The following PCBP3 variants were observed in gnomAD, a reference collection of about 807,000 sequenced individuals.
PCBP3 encodes poly(rC) binding protein 3.
Under a neutral mutation model 52.7 loss-of-function variants are expected in PCBP3, and 25 were observed. The ratio of observed to expected loss-of-function variants is 0.47; its 90% CI spans 0.35 to 0.66. The LOEUF (loss-of-function observed/expected upper bound fraction) is 0.66. PCBP3 is among the 30% of genes least tolerant of loss of function. The pLI is 0.01. For missense variants in PCBP3, 391 were observed against 490.3 expected (o/e 0.80, Z 1.91); for synonymous variants, 162 against 183.0 (o/e 0.89, Z 0.93).
At chr21:45,894,155 G>A (rs556509550) in intron 5 of PCBP3, 226 of 394,828 alleles carry the variant, frequency 5.7e-4, no homozygotes, top group Non-Finnish European at 7.4e-4. Flanking sequence ...CAGGTGACCC[G>A]CACGGCACAG....
chr21:45,861,481 A>G (rs2094508150), intron 5 of PCBP3, among the ~76,000 whole-genome samples: 1 of 152,016 alleles, frequency 6.6e-6, no homozygotes, highest in Non-Finnish European at 1.5e-5. Flanking sequence ...GGGCCAGAGC[A>G]CGCCTTGAGT....
At chr21:45,719,266 C>T (rs1159483279) in intron 2 of PCBP3, among the ~76,000 whole-genome samples, 1 of 151,984 alleles carries the variant, frequency 6.6e-6, no homozygotes, top group African/African-American at 2.4e-5. Flanking sequence ...GACTTGGGGC[C>T]GCTCTTGGGG....
chr21:45,790,101 C>T (rs1210864871), intron 4 of PCBP3, among the ~76,000 whole-genome samples: 1 of 152,114 alleles, frequency 6.6e-6, no homozygotes, highest in Admixed American at 6.5e-5. Context: ...GATCTCGCCA[C>T]TGCACTCCAG....
rs189505503 is a variant in PCBP3 at position 45,910,040 on chromosome 21, T to C, written c.471+554T>C. On this transcript the variant is annotated intron_variant, in intron 10 of 17. Coordinates refer to ENST00000681687, the MANE Select transcript of PCBP3 (RefSeq NM_001384156.1). The stretch of plus-strand genomic sequence containing the variant: ...ACCTGGCCCACCCACTGCCCAGATA[T>C]GGACCCCCCCCACCACTGCCCAGAT... Among the ~76,000 whole-genome samples, 116 of 15,618 alleles carry C rather than the reference T, an allele frequency of 7.4e-3. 3 individuals carry two copies. Among genetic ancestry groups the C allele is most frequent in the Non-Finnish European group, 8.9e-3 (81 of 9,092 alleles). The allele number at this position is 15,618 out of a possible 152,430, so 10.2% of individuals were successfully genotyped here. A position where few individuals can be genotyped will look rare whatever the true frequency, so the allele number is the denominator to read the frequency against.
intron 5 of PCBP3, among the ~76,000 whole-genome samples, chr21:45,888,462 G>A (rs755313036): frequency 4.6e-5 from 7 of 152,328 alleles, no homozygotes; most frequent in Non-Finnish European, 7.4e-5. Flanking sequence ...CACCTCCCAC[G>A]CCACAGCAGG....
At chr21:45,655,683 T>C (rs2079970554) in intron 1 of PCBP3, among the ~76,000 whole-genome samples, 1 of 152,144 alleles carries the variant, frequency 6.6e-6, no homozygotes, top group Non-Finnish European at 1.5e-5. Flanking sequence ...CTAAAGAGCT[T>C]CTGCACAGCA....
At chr21:45,709,624 TATG>T (rs1051333647) in intron 2 of PCBP3, among the ~76,000 whole-genome samples, 1 of 152,186 alleles carries the variant, frequency 6.6e-6, no homozygotes, top group Non-Finnish European at 1.5e-5. Context: ...TTTACAGAAT[TATG>T]ATGAGGATGG....
Position 45,704,879 on chromosome 21 carries a change from A to G in PCBP3, c.-199-30513A>G, listed in dbSNP as rs754860051. Among the ~76,000 whole-genome samples, 1 of 152,220 alleles carries G rather than the reference A, an allele frequency of 6.6e-6. No individual in the cohort carries two copies. Among genetic ancestry groups the G allele is most frequent in the African/African-American group, 2.4e-5 (1 of 41,464 alleles). ...CAGGGCGCTGCTGTCTGCTGAATAC[A>G]TGATGGCAGTTGATTCTGGAGATAA... On this transcript the variant is annotated intron_variant, in intron 2 of 17. Coordinates refer to ENST00000681687, the MANE Select transcript of PCBP3 (RefSeq NM_001384156.1). This position sits in a 1 kb window ranked among gnomAD's most constrained non-coding sequence, Gnocchi z 4.1.
Position 45,942,058 on chromosome 21 carries a change from G to A in PCBP3, c.*352G>A, listed in dbSNP as rs1363609429. The A allele has an allele frequency of 1.2e-5, 3 of 242,908 alleles. No individual in the cohort carries two copies. Among genetic ancestry groups the A allele is most frequent in the Non-Finnish European group, 1.6e-5 (2 of 126,798 alleles). 15.0% of individuals were successfully genotyped at this position (242,908 alleles called of 1,614,324 possible). Reference sequence around the variant, plus strand: ...GGCGTTCCGACAGCACTTCCTGTCCGCCCTTCTCCTCTGCCATCCAGAACC... The same window carrying A: ...GGCGTTCCGACAGCACTTCCTGTCCACCCTTCTCCTCTGCCATCCAGAACC... On this transcript the variant is annotated 3_prime_UTR_variant, in exon 18 of 18. Transcript: ENST00000681687.
intron 4 of PCBP3, among the ~76,000 whole-genome samples, chr21:45,822,537 A>G (rs2093169996): frequency 6.6e-6 from 1 of 152,092 alleles, no homozygotes; most frequent in Non-Finnish European, 1.5e-5. Context: ...GGCATGGGAC[A>G]GGGTTAGGAG....
Position 45,817,158 on chromosome 21 carries a change from C to T in PCBP3, c.-125-32803C>T, listed in dbSNP as rs745363642. The stretch of plus-strand genomic sequence containing the variant: ...TTATTTCTGCAGGCATCTAATTTAC[C>T]GAAACTTCATGTCATGGCTCGGTCG... On this transcript the variant is annotated intron_variant, in intron 4 of 17. Coordinates refer to ENST00000681687, the MANE Select transcript of PCBP3 (RefSeq NM_001384156.1). This position sits in a 1 kb window ranked among gnomAD's most constrained non-coding sequence, Gnocchi z 4.3. Among the ~76,000 whole-genome samples, 5 of 152,114 alleles carry T rather than the reference C, an allele frequency of 3.3e-5. No homozygotes were observed. The highest frequency in any genetic ancestry group is 9.7e-5 in the African/African-American group (4 of 41,410).
intron 4 of PCBP3, among the ~76,000 whole-genome samples, chr21:45,845,903 C>T (rs1309593189): frequency 6.6e-6 from 1 of 152,218 alleles, no homozygotes; most frequent in Non-Finnish European, 1.5e-5. Context: ...CTGTTACTCC[C>T]GGGGTCTCAC....
intron 4 of PCBP3, among the ~76,000 whole-genome samples, chr21:45,844,642 G>A (rs959955151): frequency 6.6e-6 from 1 of 152,088 alleles, no homozygotes; most frequent in African/African-American, 2.4e-5. Flanking sequence ...CACAAGGGCA[G>A]CGTGGCTTCC....
At chr21:45,714,435 A>AACAC (rs139736227) in intron 2 of PCBP3, among the ~76,000 whole-genome samples, 3 of 151,238 alleles carry the variant, frequency 2.0e-5, no homozygotes, top group African/African-American at 7.3e-5. Context: ...TGTTTCAGGG[A>AACAC]ACACACACAC....
chr21:45,718,219 T>TA (rs1461237325), intron 2 of PCBP3, among the ~76,000 whole-genome samples: 1 of 151,828 alleles, frequency 6.6e-6, no homozygotes, highest in Admixed American at 6.6e-5. Context: ...TTTTTTTTTT[T>TA]GCTAGTCTAG....
chr21:45,918,094 T>G (rs1473150309), intron 13 of PCBP3: 2 of 219,164 alleles, frequency 9.1e-6, no homozygotes, highest in African/African-American at 2.3e-5. Context: ...CATGAAAACA[T>G]AGGGTCCATC....
chr21:45,811,936 CT>C (rs1485606337), intron 4 of PCBP3, among the ~76,000 whole-genome samples: 1 of 152,032 alleles, frequency 6.6e-6, no homozygotes, highest in Non-Finnish European at 1.5e-5. Flanking sequence ...ATAGCTTTTC[CT>C]TTTCCTGCCT....
chr21:45,778,387 G>A (rs71324444), intron 4 of PCBP3, among the ~76,000 whole-genome samples: 26,549 of 152,134 alleles, frequency 0.17, 2,921 homozygotes, highest in Non-Finnish European at 0.24. Flanking sequence ...CCAGTAGGCC[G>A]ATTATTGGGC....
chr21:45,678,061 G>A (rs902613174), intron 2 of PCBP3, among the ~76,000 whole-genome samples: 24 of 152,270 alleles, frequency 1.6e-4, no homozygotes, highest in African/African-American at 5.8e-4. Context: ...ACATTTTGTG[G>A]CTGAGCATGG....
Sources: gnomAD v4.1 joint callset for allele counts (sites outside exome capture counted in the v4.1 genomes callset) on GRCh38, gnomAD v4.1.1 for gene constraint, Gnocchi (gnomAD v3.1) non-coding constraint, MANE v1.5 for transcripts, NCBI Gene and HGNC (gene_info 2026-07-23, HGNC 2026-07-21) for gene names.